Variants in SMLR1 observed in about 807,000 individuals in gnomAD.
The protein encoded by SMLR1 is small leucine-rich protein 1.
Under a neutral mutation model 6.1 loss-of-function variants are expected in SMLR1, and 3 were observed. The ratio of observed to expected loss-of-function variants is 0.49; its 90% confidence interval spans 0.22 to 1.28. The LOEUF (loss-of-function observed/expected upper bound fraction) is 1.28. SMLR1 is among the 50% of genes most tolerant of loss of function. The pLI is 0.19. For missense variants in SMLR1, 126 were observed against 124.8 expected (o/e 1.01, Z -0.05); for synonymous variants, 55 against 53.6 (o/e 1.03, Z -0.11).
At chr6:130,834,345 A>G (rs944660205) in intron 1 of SMLR1, among the ~76,000 whole-genome samples, 10 of 152,164 alleles carry the variant, frequency 6.6e-5, no homozygotes, top group African/African-American at 2.2e-4. Context: ...AGATTCAGTA[A>G]TTCGATGGCA....
At chr6:130,829,878 C>A (rs1271832407) in intron 1 of SMLR1, among the ~76,000 whole-genome samples, 1 of 152,188 alleles carries the variant, frequency 6.6e-6, no homozygotes, top group Non-Finnish European at 1.5e-5. Flanking sequence ...GTCAGCCTCA[C>A]ACGATGAGGG....
intron 1 of SMLR1, among the ~76,000 whole-genome samples, chr6:130,832,021 A>G (rs538638298): frequency 6.6e-5 from 10 of 152,262 alleles, no homozygotes; most frequent in East Asian, 3.9e-4. Flanking sequence ...ATCTGTGTCA[A>G]TTTCCTTGAG....
intron 1 of SMLR1, 70 bp from the exon 2 acceptor site, chr6:130,834,800 C>A: frequency 7.6e-7 from 1 of 1,310,792 alleles, no homozygotes. Flanking sequence ...GGCCAACAGC[C>A]CTTATGAACT....
chr6:130,835,086 C>A lies in SMLR1; in HGVS notation c.*131C>A. The A allele has an allele frequency of 2.8e-6, 2 of 720,496 alleles. No individual in the cohort carries two copies. Among genetic ancestry groups the A allele is most frequent in the Non-Finnish European group, 4.6e-6 (2 of 432,444 alleles). The allele number at this position is 720,496 out of a possible 1,614,324, so 44.6% of individuals were successfully genotyped here. On this transcript the variant is annotated 3_prime_UTR_variant, in exon 2 of 2. Coordinates refer to ENST00000541421, the MANE Select transcript of SMLR1 (RefSeq NM_001195597.2). ...AAAATAGAAAGAATACTAAGATACT[C>A]ATTCTGAACCATACTGAAAAGTGGC...
At position 130,834,864 on chromosome 6, in the gene SMLR1, T is replaced by C. The variant is rs757297627; in HGVS notation, c.239-6T>C. 16 of 1,534,434 alleles carry C rather than the reference T, an allele frequency of 1.0e-5. No individual in the cohort carries two copies. The South Asian group carries it at 1.8e-4, about 17-fold the overall frequency. ...CCAAATTATTAACTAATATTTTTCC[T>C]TTCAGTTAATGAAGAACTGTCCCAG... On this transcript the variant is annotated splice_region_variant and splice_polypyrimidine_tract_variant and intron_variant, in intron 1 of 1. Transcript: ENST00000541421.
chr6:130,834,080 C>T (rs1298909480), intron 1 of SMLR1, among the ~76,000 whole-genome samples: 3 of 152,080 alleles, frequency 2.0e-5, no homozygotes. Context: ...TTCCTGGTTT[C>T]AGGAAGAGAG....
rs549904093 is a variant in SMLR1 at position 130,835,691 on chromosome 6, C to A, written c.*736C>A. 2 of 152,142 alleles carry A rather than the reference C, an allele frequency of 1.3e-5. No homozygotes were observed. Among genetic ancestry groups the A allele is most frequent in the Non-Finnish European group, 2.9e-5 (2 of 68,034 alleles). 9.4% of individuals were successfully genotyped at this position (152,142 alleles called of 1,614,324 possible). ...TGAGGAGGAGAATACAAGTCTTTGCCTGTAATACCAAAATACAGGGAGCTA... is the reference window on the plus strand; with the variant it reads ...TGAGGAGGAGAATACAAGTCTTTGCATGTAATACCAAAATACAGGGAGCTA... On this transcript the variant is annotated 3_prime_UTR_variant, in exon 2 of 2. Transcript: ENST00000541421.
Position 130,835,466 on chromosome 6 carries a change from T to C in SMLR1, c.*511T>C, listed in dbSNP as rs974406167. 2 of 152,862 alleles carry C rather than the reference T, an allele frequency of 1.3e-5. No homozygotes were observed. Among genetic ancestry groups the C allele is most frequent in the African/African-American group, 4.8e-5 (2 of 41,458 alleles). 9.5% of individuals were successfully genotyped at this position (152,862 alleles called of 1,614,324 possible). A position where few individuals can be genotyped will look rare whatever the true frequency, so the allele number is the denominator to read the frequency against. On this transcript the variant is annotated 3_prime_UTR_variant, in exon 2 of 2. Transcript: ENST00000541421. Reference sequence around the variant, plus strand: ...CTTAAGTGACACAGTTCAGGTATCATTTTTGGACCTGACTTTGCTTCTCTC... The same window carrying C: ...CTTAAGTGACACAGTTCAGGTATCACTTTTGGACCTGACTTTGCTTCTCTC...
intron 1 of SMLR1, among the ~76,000 whole-genome samples, chr6:130,828,580 T>A (rs1774348489): frequency 6.6e-6 from 1 of 152,162 alleles, no homozygotes; most frequent in African/African-American, 2.4e-5. Context: ...CTATAATATA[T>A]AACCTAACAG....
At chr6:130,828,072 A>G (rs200916188) in intron 1 of SMLR1, among the ~76,000 whole-genome samples, 1 of 152,036 alleles carries the variant, frequency 6.6e-6, no homozygotes, top group Admixed American at 6.5e-5. Flanking sequence ...CCGTGTGTGC[A>G]CACACACAAC....
At chr6:130,830,887 A>C (rs1357283684) in intron 1 of SMLR1, among the ~76,000 whole-genome samples, 25 of 151,804 alleles carry the variant, frequency 1.6e-4, no homozygotes, top group African/African-American at 6.1e-4. Flanking sequence ...GGCATAAATA[A>C]CCGCCCCCCC....
intron 1 of SMLR1, 59 bp downstream of exon 1, chr6:130,827,710 A>C: frequency 1.6e-6 from 2 of 1,262,504 alleles, no homozygotes; most frequent in Non-Finnish European, 2.2e-6. Context: ...CACATCTTGA[A>C]ATATACCGAT....
At chr6:130,828,656 A>C (rs1019776502) in intron 1 of SMLR1, among the ~76,000 whole-genome samples, 2 of 152,212 alleles carry the variant, frequency 1.3e-5, no homozygotes, top group African/African-American at 4.8e-5. Context: ...TAGGAGACAC[A>C]GACAGTATGT....
Position 130,827,483 on chromosome 6 carries a change from A to G in SMLR1, c.70A>G (p.Ser24Gly), listed in dbSNP as rs1159180431. ...QTQRKAALVLSVTPMVPVGSV... is the reference protein window; with the variant it reads ...QTQRKAALVLGVTPMVPVGSV... The stretch of plus-strand genomic sequence containing the variant: ...TCAGAGGAAAGCTGCCCTGGTCCTG[A>G]GTGTGACTCCCATGGTCCCCGTGGG... Residue 24 changes from serine (S) to glycine (G), a missense_variant, in exon 1 of 2, where the codon AGT becomes GGT. By Grantham distance (56) the Ser-to-Gly change is moderately conservative. Transcript: ENST00000541421. 1.3e-6 allele frequency: 2 copies of G among 1,535,992 alleles called. No homozygotes were observed. The highest frequency in any genetic ancestry group is 1.7e-6 in the Non-Finnish European group (2 of 1,146,858).
At chr6:130,830,797 T>A (rs1469138962) in intron 1 of SMLR1, among the ~76,000 whole-genome samples, 1 of 152,162 alleles carries the variant, frequency 6.6e-6, no homozygotes, top group Non-Finnish European at 1.5e-5. Context: ...TCGCCCTTAC[T>A]GCTACACTCC....
intron 1 of SMLR1, among the ~76,000 whole-genome samples, chr6:130,828,488 T>C (rs1436470423): frequency 6.6e-6 from 1 of 152,212 alleles, no homozygotes; most frequent in Non-Finnish European, 1.5e-5. Flanking sequence ...CCCTCCTCTT[T>C]GAACATCTGT....
chr6:130,833,064 T>C (rs949838321), intron 1 of SMLR1, among the ~76,000 whole-genome samples: 76 of 152,172 alleles, frequency 5.0e-4, no homozygotes, highest in African/African-American at 1.8e-3. Flanking sequence ...AACCACGACC[T>C]TGGGTGTTCT....
intron 1 of SMLR1, 79 bp from the exon 2 acceptor site, chr6:130,834,791 G>A: frequency 8.2e-7 from 1 of 1,221,136 alleles, no homozygotes; most frequent in Non-Finnish European, 1.2e-6. Context: ...AGATATGCTG[G>A]CCAACAGCCC....
chr6:130,835,250 G>C lies in SMLR1; in HGVS notation c.*295G>C, dbSNP rs891793925. 1 of 254,384 alleles carries C rather than the reference G, an allele frequency of 3.9e-6. No individual in the cohort carries two copies. The highest frequency in any genetic ancestry group is 7.7e-6 in the Non-Finnish European group (1 of 130,670). The allele number at this position is 254,384 out of a possible 1,614,324, so 15.8% of individuals were successfully genotyped here. ...TATTGTGACTGTGTCTGCTCTAAAC[G>C]GCATATTTAAAAAATAAAATTCTGC... On this transcript the variant is annotated 3_prime_UTR_variant, in exon 2 of 2. Transcript: ENST00000541421.
Sources: gnomAD v4.1 joint callset for allele counts (sites outside exome capture counted in the v4.1 genomes callset) on GRCh38, gnomAD v4.1.1 for gene constraint, MANE v1.5 for transcripts, NCBI Gene and HGNC (gene_info 2026-07-23, HGNC 2026-07-21) for gene names.